Variants in SIPA1L2 observed in about 807,000 individuals in gnomAD.
The protein encoded by SIPA1L2 is signal induced proliferation associated 1 like 2.
Under a neutral mutation model 163.9 loss-of-function variants are expected in SIPA1L2, and 56 were observed. The ratio of observed to expected loss-of-function variants is 0.34; its 90% confidence interval spans 0.28 to 0.43. The LOEUF is 0.43. SIPA1L2 is among the 20% of genes least tolerant of loss of function. The pLI, the probability that SIPA1L2 is intolerant of heterozygous loss-of-function variation, is 1.00. For missense variants in SIPA1L2, 1,974 were observed against 2,193.5 expected, an observed-to-expected ratio of 0.90 and a Z score of 2.00; for synonymous variants, 877 against 865.7, an observed-to-expected ratio of 1.01 and a Z score of -0.23.
rs759170556 is a variant in SIPA1L2, at chr1:232,439,117, G to C, written c.4022C>G (p.Ser1341Cys). Residue 1341 changes from serine to cysteine, a missense_variant, in exon 15 of 23, where the codon TCT becomes TGT. Coordinates refer to ENST00000674635, the MANE Select transcript of SIPA1L2 (RefSeq NM_020808.5). Reference protein sequence around the residue: ...GSMGDLSEISSHSSGSHHSGS... With the variant: ...GSMGDLSEISCHSSGSHHSGS... Reference sequence around the variant, plus strand: ...GTGCTGTGGGGCTTACCTGGAATGAGAGGATATCTCACTGAGATCGCCCAT... The same window carrying C: ...GTGCTGTGGGGCTTACCTGGAATGACAGGATATCTCACTGAGATCGCCCAT... The C allele has an allele frequency of 1.4e-5, 22 of 1,605,208 alleles. No homozygotes were observed. Among genetic ancestry groups the C allele is most frequent in the Non-Finnish European group, 1.8e-5 (21 of 1,175,392 alleles).
At chr1:232,400,786 G>A (rs918179270) in intron 22 of SIPA1L2, among the ~76,000 whole-genome samples, 1 of 151,958 alleles carries the variant, frequency 6.6e-6, no homozygotes, top group African/African-American at 2.4e-5. Context: ...TTCTCTCAGT[G>A]ATCTTCAAAC....
chr1:232,541,605 T>C (rs1338019586), intron 2 of SIPA1L2, among the ~76,000 whole-genome samples: 1 of 152,232 alleles, frequency 6.6e-6, no homozygotes, highest in Non-Finnish European at 1.5e-5. Context: ...AGTAAGTCGA[T>C]ATTTTGGTTC....
intron 19 of SIPA1L2, among the ~76,000 whole-genome samples, chr1:232,414,464 T>G (rs561233735): frequency 1.3e-5 from 2 of 152,292 alleles, no homozygotes; most frequent in Non-Finnish European, 2.9e-5. Flanking sequence ...TTTTGTTTCC[T>G]GAGGCCTGGT....
intron 1 of SIPA1L2, among the ~76,000 whole-genome samples, chr1:232,590,216 TC>T (rs956258901): frequency 6.6e-6 from 1 of 152,076 alleles, no homozygotes; most frequent in African/African-American, 2.4e-5. Flanking sequence ...CACCTCCACC[TC>T]CAGGGCCCTC....
intron 22 of SIPA1L2, among the ~76,000 whole-genome samples, chr1:232,399,733 A>C (rs542846770): frequency 6.6e-6 from 1 of 152,314 alleles, no homozygotes; most frequent in Admixed American, 6.5e-5. Context: ...ATATTTCCAT[A>C]ATGACCCTTA....
At chr1:232,430,734 G>A (rs976345556) in intron 16 of SIPA1L2, among the ~76,000 whole-genome samples, 2 of 152,146 alleles carry the variant, frequency 1.3e-5, no homozygotes, top group Non-Finnish European at 2.9e-5. Flanking sequence ...CCGGCCTCTT[G>A]CGATAACCAG....
At chr1:232,580,483 C>G (rs1265488555) in intron 1 of SIPA1L2, among the ~76,000 whole-genome samples, 1 of 152,122 alleles carries the variant, frequency 6.6e-6, no homozygotes, top group African/African-American at 2.4e-5. Context: ...AGCCCCTGTT[C>G]AAGATGGAAT....
At chr1:232,515,885 C>T (rs972573007) in intron 2 of SIPA1L2, among the ~76,000 whole-genome samples, 3 of 152,182 alleles carry the variant, frequency 2.0e-5, no homozygotes, top group African/African-American at 7.2e-5. Flanking sequence ...GTTGTGATCC[C>T]ACAGCACTCC....
intron 2 of SIPA1L2, among the ~76,000 whole-genome samples, chr1:232,518,221 G>C (rs1309961354): frequency 6.6e-6 from 1 of 152,122 alleles, no homozygotes; most frequent in Non-Finnish European, 1.5e-5. Context: ...TTGAAAACTT[G>C]TTTGTGCTAA....
At chr1:232,454,364 T>C (rs1663768251) in intron 10 of SIPA1L2, among the ~76,000 whole-genome samples, 1 of 152,164 alleles carries the variant, frequency 6.6e-6, no homozygotes. Flanking sequence ...TCCATCCTTT[T>C]CCTCCCTTAC....
At chr1:232,460,093 G>A (rs1664150407) in intron 10 of SIPA1L2, among the ~76,000 whole-genome samples, 1 of 152,152 alleles carries the variant, frequency 6.6e-6, no homozygotes, top group Non-Finnish European at 1.5e-5. Context: ...ATAGAGGGAA[G>A]GTGCTCTAGA....
Position 232,428,353 on chromosome 1 carries a change from T to C in SIPA1L2, c.4410+58A>G, listed in dbSNP as rs1365320277. On this transcript the variant is annotated intron_variant, in intron 17 of 22. Coordinates refer to ENST00000674635, the MANE Select transcript of SIPA1L2 (RefSeq NM_020808.5). ...GAAACCTCTGAGTTTCTTTAGACTT[T>C]TTTTTTTTTTTTTTTTTTAGTGTTT... is the stretch of plus-strand genomic sequence containing the variant. 1.1e-5 allele frequency: 9 copies of C among 791,010 alleles called. No homozygotes were observed. In the African/African-American group the frequency reaches 2.2e-4, roughly 19 times the overall value. 49.0% of individuals were successfully genotyped at this position (791,010 alleles called of 1,614,324 possible).
chr1:232,560,841 C>A (rs1335298187), intron 2 of SIPA1L2, among the ~76,000 whole-genome samples: 1 of 152,078 alleles, frequency 6.6e-6, no homozygotes, highest in Non-Finnish European at 1.5e-5. Flanking sequence ...TAAATAAATG[C>A]AAATTATCTA....
At chr1:232,519,738 A>C (rs1667379273) in intron 2 of SIPA1L2, among the ~76,000 whole-genome samples, 1 of 152,212 alleles carries the variant, frequency 6.6e-6, no homozygotes, top group African/African-American at 2.4e-5. Flanking sequence ...ACGAAATATT[A>C]AAAAGATGTA....
At chr1:232,525,262 G>C (rs1228844979) in intron 2 of SIPA1L2, among the ~76,000 whole-genome samples, 2 of 129,380 alleles carry the variant, frequency 1.5e-5, no homozygotes, top group Admixed American at 1.7e-4. Flanking sequence ...TGGAGACGGA[G>C]TCTTGCTCTG....
At chr1:232,553,744 C>A (rs1044140131) in intron 2 of SIPA1L2, among the ~76,000 whole-genome samples, 3 of 152,178 alleles carry the variant, frequency 2.0e-5, no homozygotes, top group Admixed American at 6.6e-5. Flanking sequence ...CCATAAAACT[C>A]ATTTTAAAAA....
rs1192458451 is a variant in SIPA1L2 at position 232,398,742 on chromosome 1, A to G, written c.*385T>C. 1 of 170,354 alleles carries G rather than the reference A, an allele frequency of 5.9e-6. No individual in the cohort carries two copies. Among genetic ancestry groups the G allele is most frequent in the Admixed American group, 5.8e-5 (1 of 17,156 alleles). 10.6% of individuals were successfully genotyped at this position (170,354 alleles called of 1,614,324 possible). A position where few individuals can be genotyped will look rare whatever the true frequency, so the allele number is the denominator to read the frequency against. On this transcript the variant is annotated 3_prime_UTR_variant, in exon 23 of 23. Transcript: ENST00000674635. ...TGTTTATTTTACAATACTAAAGCCC[A>G]AACTATGGTAAATTGCTTTACATCT...
chr1:232,414,350 G>A (rs1661127712), intron 19 of SIPA1L2, among the ~76,000 whole-genome samples: 1 of 152,118 alleles, frequency 6.6e-6, no homozygotes, highest in Non-Finnish European at 1.5e-5. Context: ...GCCACCATCG[G>A]GCCTCCCTAA....
chr1:232,511,016 G>A (rs1434006386), intron 3 of SIPA1L2, among the ~76,000 whole-genome samples: 2 of 152,184 alleles, frequency 1.3e-5, no homozygotes, highest in African/African-American at 2.4e-5. Context: ...AGAATTGGCA[G>A]CCATGGCTTC....
Sources: gnomAD v4.1 joint callset for allele counts (sites outside exome capture counted in the v4.1 genomes callset) on GRCh38, gnomAD v4.1.1 for gene constraint, MANE v1.5 for transcripts, NCBI Gene and HGNC (gene_info 2026-07-23, HGNC 2026-07-21) for gene names.